Variants in ADAMTS6 observed in about 807,000 individuals in gnomAD.
ADAMTS6 encodes the protein ADAM metallopeptidase with thrombospondin type 1 motif 6, also known as A disintegrin and metalloproteinase with thrombospondin motifs 6.
In ADAMTS6, 23 loss-of-function variants were observed where a neutral mutation model predicts 144.3. That is an observed-to-expected ratio of 0.16 (90% confidence interval 0.11 to 0.23). ADAMTS6 has a LOEUF of 0.23. ADAMTS6 is among the 10% of genes least tolerant of loss of function. ADAMTS6 has a pLI of 1.00. For missense variants in ADAMTS6, 999 were observed against 1,379.6 expected, an observed-to-expected ratio of 0.72 and a Z score of 4.37; for synonymous variants, 444 against 457.5, an observed-to-expected ratio of 0.97 and a Z score of 0.38.
At chr5:65,437,565 A>G (rs1757537336) in intron 7 of ADAMTS6, among the ~76,000 whole-genome samples, 2 of 152,190 alleles carry the variant, frequency 1.3e-5, no homozygotes, top group African/African-American at 4.8e-5. Flanking sequence ...GTGGGGACAC[A>G]GCCAAACCAT....
intron 7 of ADAMTS6, among the ~76,000 whole-genome samples, chr5:65,368,524 G>A (rs1750520024): frequency 6.6e-6 from 1 of 152,184 alleles, no homozygotes; most frequent in Non-Finnish European, 1.5e-5. Flanking sequence ...GGCAATGAGA[G>A]GAAGCCTCAA....
intron 7 of ADAMTS6, among the ~76,000 whole-genome samples, chr5:65,363,421 A>T (rs1199503319): frequency 6.6e-6 from 1 of 152,222 alleles, no homozygotes; most frequent in Non-Finnish European, 1.5e-5. Flanking sequence ...GACTGAAAAT[A>T]ATGCTATGCT....
chr5:65,277,312 C>T (rs1022494228), intron 11 of ADAMTS6, among the ~76,000 whole-genome samples: 2 of 152,174 alleles, frequency 1.3e-5, no homozygotes, highest in African/African-American at 4.8e-5. Context: ...AATTCATGGG[C>T]ACTTCAGAGG....
intron 9 of ADAMTS6, among the ~76,000 whole-genome samples, chr5:65,321,962 C>T (rs1455349932): frequency 2.0e-5 from 3 of 151,794 alleles, no homozygotes; most frequent in African/African-American, 7.3e-5. Flanking sequence ...GTGATTCACC[C>T]GCCTCAGCCT....
At chr5:65,192,882 A>T (rs1358363960) in intron 21 of ADAMTS6, among the ~76,000 whole-genome samples, 1 of 151,828 alleles carries the variant, frequency 6.6e-6, no homozygotes, top group Admixed American at 6.6e-5. Context: ...GTCCTCCGTC[A>T]TTTTCTCTAT....
chr5:65,391,439 C>T (rs1271992146), intron 7 of ADAMTS6, among the ~76,000 whole-genome samples: 2 of 151,980 alleles, frequency 1.3e-5, no homozygotes, highest in Admixed American at 1.3e-4. Flanking sequence ...CACACACACA[C>T]ACACACACAC....
chr5:65,437,252 G>A (rs776023488), intron 7 of ADAMTS6, among the ~76,000 whole-genome samples: 4 of 151,734 alleles, frequency 2.6e-5, no homozygotes, highest in South Asian at 2.1e-4. Flanking sequence ...CCACCACCAC[G>A]CCCAGATAAT....
intron 22 of ADAMTS6, among the ~76,000 whole-genome samples, chr5:65,177,717 A>C (rs1754066738): frequency 6.6e-6 from 1 of 150,406 alleles, no homozygotes; most frequent in East Asian, 1.9e-4. Flanking sequence ...TTAAAACAGG[A>C]TACCAAGATG....
chr5:65,304,482 G>T (rs956449643), intron 9 of ADAMTS6, among the ~76,000 whole-genome samples: 1 of 152,148 alleles, frequency 6.6e-6, no homozygotes, highest in African/African-American at 2.4e-5. Flanking sequence ...ACCAAGGCTG[G>T]AGTGCAGTGG....
intron 7 of ADAMTS6, among the ~76,000 whole-genome samples, chr5:65,420,886 G>GA (rs1221515066): frequency 2.0e-5 from 3 of 151,350 alleles, no homozygotes; most frequent in African/African-American, 4.9e-5. Context: ...ATTATAGGAA[G>GA]AAAAAAATCA....
intron 4 of ADAMTS6, among the ~76,000 whole-genome samples, chr5:65,454,239 T>C (rs747555577): frequency 6.6e-6 from 1 of 152,204 alleles, no homozygotes; most frequent in Non-Finnish European, 1.5e-5. Context: ...TAAACTTTCA[T>C]TGTTCTTAAA....
chr5:65,234,220 T>G (rs1341952441), intron 15 of ADAMTS6, among the ~76,000 whole-genome samples: 1 of 151,924 alleles, frequency 6.6e-6, no homozygotes, highest in East Asian at 1.9e-4. Flanking sequence ...ACAATGGTCT[T>G]GGCAACGATT....
At chr5:65,412,626 T>G (rs1021182133) in intron 7 of ADAMTS6, among the ~76,000 whole-genome samples, 8 of 152,174 alleles carry the variant, frequency 5.3e-5, no homozygotes, top group Admixed American at 3.3e-4. Context: ...AGATGGCATT[T>G]TGCATACATC....
At chr5:65,422,057 T>C (rs1346675805) in intron 7 of ADAMTS6, among the ~76,000 whole-genome samples, 2 of 151,838 alleles carry the variant, frequency 1.3e-5, no homozygotes, top group Non-Finnish European at 2.9e-5. Flanking sequence ...AAACTGTGCA[T>C]CCCACAAACA....
chr5:65,417,786 AATGGCC>A (rs935661417), intron 7 of ADAMTS6, among the ~76,000 whole-genome samples: 1 of 152,232 alleles, frequency 6.6e-6, no homozygotes, highest in Non-Finnish European at 1.5e-5. Flanking sequence ...ATATTCTTAA[AATGGCC>A]ATACTGCCCA....
intron 7 of ADAMTS6, among the ~76,000 whole-genome samples, chr5:65,345,300 C>T (rs1282972572): frequency 6.6e-6 from 1 of 151,002 alleles, no homozygotes; most frequent in East Asian, 1.9e-4. Flanking sequence ...TAAGAAACCA[C>T]AAAAGATAAG....
At chr5:65,286,673 T>C (rs1164353530) in intron 11 of ADAMTS6, among the ~76,000 whole-genome samples, 1 of 152,180 alleles carries the variant, frequency 6.6e-6, no homozygotes, top group Non-Finnish European at 1.5e-5. Context: ...TACTGAACCA[T>C]TAAGTGTACT....
intron 7 of ADAMTS6, among the ~76,000 whole-genome samples, chr5:65,362,669 G>A (rs1312848235): frequency 6.6e-6 from 1 of 152,118 alleles, no homozygotes; most frequent in Non-Finnish European, 1.5e-5. Flanking sequence ...ATAATGGCAA[G>A]AATTATTGGG....
chr5:65,227,886 A>C (rs1465531174), intron 15 of ADAMTS6, among the ~76,000 whole-genome samples: 1 of 152,206 alleles, frequency 6.6e-6, no homozygotes, highest in Non-Finnish European at 1.5e-5. Flanking sequence ...GTATGTAGAT[A>C]AAAATTGGTC....
Sources: gnomAD v4.1 joint callset for allele counts (sites outside exome capture counted in the v4.1 genomes callset) on GRCh38, gnomAD v4.1.1 for gene constraint, MANE v1.5 for transcripts, NCBI Gene and HGNC (gene_info 2026-07-23, HGNC 2026-07-21) for gene names.